Variants in RALY observed in about 807,000 individuals in gnomAD.
RALY encodes the protein RALY heterogeneous nuclear ribonucleoprotein.
A neutral mutation model predicts 30.7 loss-of-function variants in RALY; 15 were observed. That is an observed-to-expected ratio of 0.49 (90% CI 0.33 to 0.75). The LOEUF (loss-of-function observed/expected upper bound fraction) is 0.75. RALY is among the 30% of genes least tolerant of loss of function. The pLI is 0.02. For synonymous variants in RALY, 177 were observed against 170.8 expected (o/e 1.04, Z -0.28); for missense variants, 339 against 414.3 (o/e 0.82, Z 1.58).
At position 34,042,201 on chromosome 20, in the gene RALY, C is replaced by A. The variant is rs574669220; in HGVS notation, c.-10+10597C>A. On this transcript the variant is annotated intron_variant, in intron 2 of 9. Coordinates refer to ENST00000246194, the MANE Select transcript of RALY (RefSeq NM_016732.3). The stretch of plus-strand genomic sequence containing the variant: ...AAGAGGCCTAGTAGCTCAGCCTCCC[C>A]ACTACCCTTACCAAACAAAGACGAT... 3.9e-5 allele frequency among the ~76,000 whole-genome samples: 6 copies of A among 152,258 alleles called. No homozygotes were observed. The South Asian group carries it at 1.2e-3, about 32-fold the overall frequency.
Position 34,005,569 on chromosome 20 carries a change from T to C in RALY, c.-93+11438T>C, listed in dbSNP as rs140113095. On this transcript the variant is annotated intron_variant, in intron 1 of 9. Transcript: ENST00000246194. ...AACACAGCCTTGCATATTAGTGATATTGAGTGTCCACTGTGTTGAGATATC... is the reference window on the plus strand; with the variant it reads ...AACACAGCCTTGCATATTAGTGATACTGAGTGTCCACTGTGTTGAGATATC... Among the ~76,000 whole-genome samples, 112 of 152,330 alleles carry C rather than the reference T, an allele frequency of 7.4e-4. 1 individual carries two copies. The highest frequency in any genetic ancestry group is 3.1e-3 in the Admixed American group (47 of 15,292).
chr20:34,053,704 A>G (rs1405038910), intron 2 of RALY, among the ~76,000 whole-genome samples: 3 of 152,114 alleles, frequency 2.0e-5, no homozygotes, highest in East Asian at 1.9e-4. Context: ...GCCAAGAAAT[A>G]TTTATTAATT....
chr20:34,051,903 C>T (rs1038401089), intron 2 of RALY, among the ~76,000 whole-genome samples: 4 of 152,196 alleles, frequency 2.6e-5, no homozygotes, highest in African/African-American at 9.7e-5. Flanking sequence ...CTGCGCCCAG[C>T]CTGATACTTT....
rs115436641 is a variant in RALY at position 34,072,089 on chromosome 20, T to C, written c.15T>C (p.Leu5=). The C allele has an allele frequency of 2.8e-5, 45 of 1,614,136 alleles. No homozygotes were observed. The East Asian group carries it at 7.8e-4, about 28-fold the overall frequency. MSLK[L]QASNVTNKND... is the part of the protein sequence containing the mutation. ...AGGTGGGCACCATGTCCTTGAAGCT[T>C]CAGGCAAGCAATGTAACCAACAAGA... Residue 5 remains leucine, a synonymous_variant, in exon 3 of 10, where the codon CTT becomes CTC. Coordinates refer to ENST00000246194, the MANE Select transcript of RALY (RefSeq NM_016732.3).
chr20:34,062,850 T>A (rs1386021688), intron 2 of RALY, among the ~76,000 whole-genome samples: 1 of 152,268 alleles, frequency 6.6e-6, no homozygotes, highest in Non-Finnish European at 1.5e-5. Context: ...GAGCCAACTC[T>A]TAAGGCATAG....
At position 34,082,442 on chromosome 20, in the gene RALY, G is replaced by A. The variant is rs1057123101; in HGVS notation, c.*2537G>A. The A allele has an allele frequency of 3.3e-5, 5 of 152,192 alleles. No individual in the cohort carries two copies. Among genetic ancestry groups the A allele is most frequent in the Non-Finnish European group, 4.4e-5 (3 of 68,054 alleles). The allele number at this position is 152,192 out of a possible 1,614,324, so 9.4% of individuals were successfully genotyped here. On this transcript the variant is annotated 3_prime_UTR_variant, in exon 10 of 10. Coordinates refer to ENST00000246194, the MANE Select transcript of RALY (RefSeq NM_016732.3). ...TCCTACCCAAGCATGCTTTACTGAG[G>A]AACTCAACGTTTCAGAGCTTGAGGG...
At chr20:34,051,937 A>G (rs751198477) in intron 2 of RALY, among the ~76,000 whole-genome samples, 1 of 152,204 alleles carries the variant, frequency 6.6e-6, no homozygotes, top group African/African-American at 2.4e-5. Flanking sequence ...TGGACTACAT[A>G]TAATAAATTC....
At chr20:34,053,530 T>C (rs1341189225) in intron 2 of RALY, among the ~76,000 whole-genome samples, 1 of 151,312 alleles carries the variant, frequency 6.6e-6, no homozygotes, top group Admixed American at 6.6e-5. Context: ...CCCAAGTAAC[T>C]GGGACTATAA....
At chr20:34,006,473 A>G (rs1424285604) in intron 1 of RALY, among the ~76,000 whole-genome samples, 1 of 152,222 alleles carries the variant, frequency 6.6e-6, no homozygotes, top group Non-Finnish European at 1.5e-5. Context: ...TTATTTTGAT[A>G]GTTTGATTCA....
chr20:34,008,188 A>G (rs2031245927), intron 1 of RALY, among the ~76,000 whole-genome samples: 1 of 152,150 alleles, frequency 6.6e-6, no homozygotes, highest in Non-Finnish European at 1.5e-5. Context: ...TTCCAGCAAT[A>G]AACTTTTCTT....
At chr20:34,062,233 G>C (rs1364823748) in intron 2 of RALY, among the ~76,000 whole-genome samples, 1 of 152,192 alleles carries the variant, frequency 6.6e-6, no homozygotes, top group Admixed American at 6.5e-5. Flanking sequence ...GGTTACTCTA[G>C]AGGATCTGTA....
intron 1 of RALY, among the ~76,000 whole-genome samples, chr20:34,021,168 G>T (rs1212992129): frequency 6.6e-6 from 1 of 152,036 alleles, no homozygotes; most frequent in Admixed American, 6.6e-5. Flanking sequence ...TGCCATGTTG[G>T]CCAGGCTGGT....
chr20:34,035,545 T>C (rs909601890), intron 2 of RALY, among the ~76,000 whole-genome samples: 1 of 152,034 alleles, frequency 6.6e-6, no homozygotes, highest in African/African-American at 2.4e-5. Flanking sequence ...ATATCCTACA[T>C]TGGCTCTTTC....
rs564552655 is a variant in RALY at position 34,048,632 on chromosome 20, G to A, written c.-10+17028G>A. 2.6e-5 allele frequency among the ~76,000 whole-genome samples: 4 copies of A among 152,236 alleles called. No homozygotes were observed. The East Asian group carries it at 7.7e-4, about 29-fold the overall frequency. ...AGCACTTTGGGAGGCTGAGGCAGGT[G>A]GATCACGAGGTCAGGAGATCAAGAC... On this transcript the variant is annotated intron_variant, in intron 2 of 9. Transcript: ENST00000246194.
chr20:34,075,167 A>G (rs910522624), intron 5 of RALY, among the ~76,000 whole-genome samples: 2 of 151,928 alleles, frequency 1.3e-5, no homozygotes, highest in Admixed American at 6.6e-5. Flanking sequence ...TTGATACTCT[A>G]CCAAGCCCCT....
chr20:34,050,202 A>G (rs1395431343), intron 2 of RALY, among the ~76,000 whole-genome samples: 1 of 152,212 alleles, frequency 6.6e-6, no homozygotes, highest in African/African-American at 2.4e-5. Flanking sequence ...TGTACATGTC[A>G]GAACCAGGAT....
At chr20:34,065,340 G>C (rs766415366) in intron 2 of RALY, among the ~76,000 whole-genome samples, 1 of 152,222 alleles carries the variant, frequency 6.6e-6, no homozygotes, top group Non-Finnish European at 1.5e-5. Context: ...AGACAAGAAG[G>C]CCTAGGGAAG....
chr20:34,062,598 G>C (rs906314554), intron 2 of RALY, among the ~76,000 whole-genome samples: 1 of 152,218 alleles, frequency 6.6e-6, no homozygotes, highest in African/African-American at 2.4e-5. Context: ...CCATAGCCTG[G>C]AGCAGGGTTT....
chr20:34,036,685 T>A (rs2032508630), intron 2 of RALY, among the ~76,000 whole-genome samples: 1 of 152,230 alleles, frequency 6.6e-6, no homozygotes, highest in East Asian at 1.9e-4. Context: ...TGGAAGAGTT[T>A]AAAATTACTA....
Sources: allele counts gnomAD v4.1 joint callset (sites outside exome capture counted in the v4.1 genomes callset), GRCh38; gene constraint gnomAD v4.1.1; transcripts MANE v1.5; gene names NCBI Gene and HGNC (gene_info 2026-07-23, HGNC 2026-07-21).